Variants in RASGRF2 observed in about 807,000 individuals in gnomAD.
RASGRF2 encodes ras-specific guanine nucleotide-releasing factor 2.
RASGRF2 carries 76 observed loss-of-function variants against 151.0 expected under a neutral mutation model. That is an observed-to-expected ratio of 0.50 (90% CI 0.42 to 0.61). The LOEUF is 0.61. Among genes scored for constraint, RASGRF2 ranks in the 20% least tolerant of loss-of-function variants. The pLI is 0.00. For synonymous variants in RASGRF2, 504 were observed against 566.5 expected, an observed-to-expected ratio of 0.89 and a Z score of 1.57; for missense variants, 1,148 against 1,564.6, an observed-to-expected ratio of 0.73 and a Z score of 4.49.
chr5:81,133,892 G>A (rs1194246971), intron 17 of RASGRF2, among the ~76,000 whole-genome samples: 2 of 152,124 alleles, frequency 1.3e-5, no homozygotes, highest in Non-Finnish European at 2.9e-5. Flanking sequence ...CATGGCATGT[G>A]TGGTAAATAG....
In RASGRF2 at chr5:81,021,560, G is replaced by A. The variant is rs568792674; in HGVS notation, c.289-21317G>A. Among the ~76,000 whole-genome samples the A allele has an allele frequency of 9.1e-3, 481 of 52,854 alleles. 3 individuals carry two copies. Among genetic ancestry groups the A allele is most frequent in the African/African-American group, 0.027 (459 of 17,002 alleles). The allele number at this position is 52,854 out of a possible 152,430, so 34.7% of individuals were successfully genotyped here. A position where few individuals can be genotyped will look rare whatever the true frequency, so the allele number is the denominator to read the frequency against. ...CACATGTTCTTGAGATTGTGCGAGC[G>A]TGTGTGTGTGTGTGTGTGTGTCTAT... On this transcript the variant is annotated intron_variant, in intron 1 of 26. Coordinates refer to ENST00000265080, the MANE Select transcript of RASGRF2 (RefSeq NM_006909.3).
chr5:81,215,306 T>C (rs1755712236), intron 23 of RASGRF2, among the ~76,000 whole-genome samples: 2 of 148,606 alleles, frequency 1.3e-5, no homozygotes, highest in South Asian at 4.4e-4. Flanking sequence ...AGTCTCGCTC[T>C]GTTGCCCAGG....
intron 1 of RASGRF2, among the ~76,000 whole-genome samples, chr5:81,011,810 A>G (rs368194198): frequency 3.1e-4 from 47 of 151,984 alleles, no homozygotes; most frequent in African/African-American, 1.1e-3. Context: ...CATAACTTAC[A>G]TTTTCCTCAT....
chr5:81,227,707 C>T lies in RASGRF2; in HGVS notation c.*1937C>T, dbSNP rs999130299. On this transcript the variant is annotated 3_prime_UTR_variant, in exon 27 of 27. Transcript: ENST00000265080. ...AGCTTTCATGGCTCAAAAGCATAGT[C>T]CTGAAGGGTGAACTAAAACCGGGAC... is the stretch of plus-strand genomic sequence containing the variant. The T allele has an allele frequency of 6.6e-6, 1 of 152,138 alleles. No individual in the cohort carries two copies. The highest frequency in any genetic ancestry group is 2.4e-5 in the African/African-American group (1 of 41,406). The allele number at this position is 152,138 out of a possible 1,614,324, so 9.4% of individuals were successfully genotyped here. A position where few individuals can be genotyped will look rare whatever the true frequency, so the allele number is the denominator to read the frequency against.
At chr5:81,040,818 G>C (rs1206420602) in intron 1 of RASGRF2, among the ~76,000 whole-genome samples, 1 of 152,116 alleles carries the variant, frequency 6.6e-6, no homozygotes, top group African/African-American at 2.4e-5. Context: ...GCCATACTTT[G>C]GTTCACAGTG....
intron 17 of RASGRF2, among the ~76,000 whole-genome samples, chr5:81,134,351 G>A (rs1209714531): frequency 2.6e-5 from 4 of 151,958 alleles, no homozygotes; most frequent in African/African-American, 9.7e-5. Context: ...AGATATGGTA[G>A]GTGGGCTGGA....
At position 81,213,182 on chromosome 5, in the gene RASGRF2, GTCTGC is replaced by G. The variant is rs549846536; in HGVS notation, c.3354+622_3354+626del. On this transcript the variant is annotated intron_variant, in intron 23 of 26. Transcript: ENST00000265080. ...GGCATCTCTGGGCTTTTGGGCACCT[GTCTGC>G]TCCTCTGGCCTCCTGTGGTCATTCT... Among the ~76,000 whole-genome samples, 235 of 152,268 alleles carry G rather than the reference GTCTGC, an allele frequency of 1.5e-3. 1 individual carries two copies. Among genetic ancestry groups the G allele is most frequent in the African/African-American group, 5.6e-3 (231 of 41,540 alleles).
intron 17 of RASGRF2, among the ~76,000 whole-genome samples, chr5:81,163,030 G>T (rs898116391): frequency 1.3e-5 from 2 of 152,092 alleles, no homozygotes; most frequent in African/African-American, 2.4e-5. Flanking sequence ...TGCTAGAATT[G>T]CTGGCCTCAA....
chr5:81,153,108 A>C (rs1754174127), intron 17 of RASGRF2, among the ~76,000 whole-genome samples: 1 of 152,240 alleles, frequency 6.6e-6, no homozygotes, highest in Admixed American at 6.5e-5. Flanking sequence ...ACACTAAAGA[A>C]GGCATAAAGG....
chr5:81,189,629 G>A (rs1435816332), intron 18 of RASGRF2, among the ~76,000 whole-genome samples: 3 of 151,322 alleles, frequency 2.0e-5, no homozygotes, highest in African/African-American at 7.3e-5. Flanking sequence ...AAAGTGCTGG[G>A]ATTACGGGCA....
chr5:81,187,012 C>T (rs921070589), intron 18 of RASGRF2, among the ~76,000 whole-genome samples: 3 of 152,188 alleles, frequency 2.0e-5, no homozygotes, highest in African/African-American at 7.2e-5. Context: ...ACAGAGTAGC[C>T]ATTACAGATG....
At chr5:81,134,080 G>A (rs932948925) in intron 17 of RASGRF2, among the ~76,000 whole-genome samples, 3 of 10,350 alleles carry the variant, frequency 2.9e-4, no homozygotes, top group Admixed American at 9.1e-4. Flanking sequence ...GCTTGTGTGC[G>A]TGTGTGTGTG....
chr5:81,097,563 T>C (rs1752581755), intron 12 of RASGRF2, among the ~76,000 whole-genome samples: 1 of 152,196 alleles, frequency 6.6e-6, no homozygotes, highest in Non-Finnish European at 1.5e-5. Flanking sequence ...ATTGGGCTGC[T>C]GAAGGTGGGT....
chr5:81,125,930 G>A (rs2112569898), intron 16 of RASGRF2, among the ~76,000 whole-genome samples: 1 of 152,352 alleles, frequency 6.6e-6, no homozygotes, highest in South Asian at 2.1e-4. Context: ...AATTTTGCCT[G>A]TGCATCTGTC....
intron 12 of RASGRF2, among the ~76,000 whole-genome samples, chr5:81,096,694 C>A (rs1484282801): frequency 6.6e-6 from 1 of 152,052 alleles, no homozygotes; most frequent in African/African-American, 2.4e-5. Context: ...GAGAGAAAGA[C>A]CCTTGGAGTG....
At chr5:81,029,054 G>A (rs1469489598) in intron 1 of RASGRF2, among the ~76,000 whole-genome samples, 1 of 152,224 alleles carries the variant, frequency 6.6e-6, no homozygotes. Context: ...CTCACTGCTA[G>A]CACAGCAGCC....
intron 3 of RASGRF2, 185 bp from the exon 4 acceptor site, chr5:81,070,307 G>T: frequency 1.8e-6 from 1 of 546,556 alleles, no homozygotes. Flanking sequence ...ACTTTCATTG[G>T]TGATACCATG....
rs151112239 is a variant in RASGRF2 at position 81,190,855 on chromosome 5, A to C, written c.2794-10475A>C. 4.6e-3 allele frequency among the ~76,000 whole-genome samples: 700 copies of C among 152,354 alleles called. 19 individuals are homozygous for C. Among genetic ancestry groups the C allele is most frequent in the Admixed American group, 0.04 (615 of 15,304 alleles). On this transcript the variant is annotated intron_variant, in intron 18 of 26. Coordinates refer to ENST00000265080, the MANE Select transcript of RASGRF2 (RefSeq NM_006909.3). ...CCGTTTTCATTAGCTGCCGAAACAG[A>C]AACATTTTCCCCATTGAACTAGTGG...
At chr5:81,095,672 A>C (rs938644491) in intron 12 of RASGRF2, among the ~76,000 whole-genome samples, 3 of 152,140 alleles carry the variant, frequency 2.0e-5, no homozygotes, top group African/African-American at 7.2e-5. Flanking sequence ...TTTTTTAAGG[A>C]CTTGATAATT....
Sources: gnomAD v4.1 joint callset for allele counts (sites outside exome capture counted in the v4.1 genomes callset) on GRCh38, gnomAD v4.1.1 for gene constraint, MANE v1.5 for transcripts, NCBI Gene and HGNC (gene_info 2026-07-23, HGNC 2026-07-21) for gene names.